The following ZNF385C variants were observed in gnomAD, a reference collection of about 807,000 sequenced individuals.
ZNF385C encodes the protein zinc finger protein 385C, also known as CTD-2132N18.2.
ZNF385C carries 28 observed loss-of-function variants against 35.4 expected under a neutral mutation model. The observed-to-expected ratio is 0.79, with a 90% CI of 0.59 to 1.08. The LOEUF (loss-of-function observed/expected upper bound fraction) is 1.08. Among genes scored for constraint, ZNF385C ranks in the 50% least tolerant of loss-of-function variants. ZNF385C has a pLI of 0.00. For synonymous variants in ZNF385C, 248 were observed against 248.2 expected (o/e 1.00, Z 0.01); for missense variants, 605 against 595.6 (o/e 1.02, Z -0.16).
chr17:42,092,822 G>A (rs2053876329), intron 1 of ZNF385C, among the ~76,000 whole-genome samples: 1 of 152,194 alleles, frequency 6.6e-6, no homozygotes, highest in Non-Finnish European at 1.5e-5. Context: ...GCTGGGGAGG[G>A]GGTCAGCTGG....
chr17:42,053,777 G>A (rs370392164), intron 2 of ZNF385C, among the ~76,000 whole-genome samples: 16 of 152,262 alleles, frequency 1.1e-4, no homozygotes, highest in African/African-American at 3.1e-4. Context: ...GGGGAGAGGG[G>A]AGAGGACCAC....
chr17:42,043,038 C>T (rs999747661), intron 2 of ZNF385C: 27 of 1,232,178 alleles, frequency 2.2e-5, no homozygotes, highest in Non-Finnish European at 2.6e-5. Flanking sequence ...AGGCAGGGGT[C>T]GTAGCCAGGC....
At chr17:42,027,493 T>C in intron 8 of ZNF385C, 125 bp downstream of exon 8, 1 of 832,186 alleles carries the variant, frequency 1.2e-6, no homozygotes, top group Non-Finnish European at 1.8e-6. Context: ...GCTCTGTCAC[T>C]GCCCAGCAGC....
chr17:42,043,324 T>C (rs902414090), intron 2 of ZNF385C: 58 of 1,232,128 alleles, frequency 4.7e-5, no homozygotes, highest in Non-Finnish European at 5.7e-5. Context: ...ACGCTTACAC[T>C]TCTTGTTGGA....
intron 4 of ZNF385C, among the ~76,000 whole-genome samples, chr17:42,033,470 G>A (rs1337058910): frequency 2.0e-5 from 3 of 152,188 alleles, no homozygotes. Context: ...GCGCCTCTAG[G>A]CCAGGCGCGG....
chr17:42,090,346 G>A (rs1555660415), intron 1 of ZNF385C, among the ~76,000 whole-genome samples: 2 of 128,336 alleles, frequency 1.6e-5, no homozygotes, highest in African/African-American at 2.9e-5. Flanking sequence ...GAGTGCAATT[G>A]CGCGATCTCG....
chr17:42,040,391 C>A (rs2052988371), intron 2 of ZNF385C: 4 of 1,231,864 alleles, frequency 3.2e-6, no homozygotes, highest in East Asian at 3.2e-5. Context: ...TGGAGGCGGG[C>A]CCCACCTGAG....
chr17:42,045,311 A>G (rs919122628), intron 2 of ZNF385C, among the ~76,000 whole-genome samples: 6 of 152,232 alleles, frequency 3.9e-5, no homozygotes, highest in African/African-American at 1.4e-4. Context: ...TCGGCCTCCC[A>G]AAGTGCTGGG....
intron 2 of ZNF385C, chr17:42,038,202 C>G (rs1470983240): frequency 2.3e-5 from 16 of 709,152 alleles, no homozygotes; most frequent in Non-Finnish European, 3.4e-5. Flanking sequence ...CTGGGCAGGC[C>G]CTGACACACA....
chr17:42,094,430 C>T (rs757654575), intron 1 of ZNF385C, among the ~76,000 whole-genome samples: 4 of 151,596 alleles, frequency 2.6e-5, no homozygotes, highest in Non-Finnish European at 5.9e-5. Flanking sequence ...GAGATAGCCA[C>T]GCAGTCAGAC....
In ZNF385C at chr17:42,028,819, C is replaced by T. The variant is rs1336556410; in HGVS notation, c.931G>A (p.Val311Met). ...GCCTGAAGCTGGGAGGCCGAGTTCA[C>T]TGTCACCTTACACGTGGGGCAGTAG... Reference protein sequence around the residue: ...HLYCPTCKVTVNSASQLQAHN... With the variant: ...HLYCPTCKVTMNSASQLQAHN... Residue 311 changes from valine to methionine, a missense_variant, in exon 6 of 9, where the codon GTG becomes ATG. Transcript: ENST00000692273. The T allele has an allele frequency of 3.2e-6, 5 of 1,550,560 alleles. No individual in the cohort carries two copies. Among genetic ancestry groups the T allele is most frequent in the South Asian group, 1.2e-5 (1 of 84,058 alleles).
intron 8 of ZNF385C, 61 bp downstream of exon 8, chr17:42,027,557 C>CCA: frequency 1.0e-5 from 6 of 592,556 alleles, no homozygotes; most frequent in East Asian, 9.8e-5. Flanking sequence ...CCATCTGGCC[C>CCA]TCCCAGCCCA....
chr17:42,073,452 G>A (rs951300902), intron 1 of ZNF385C, among the ~76,000 whole-genome samples: 1 of 152,006 alleles, frequency 6.6e-6, no homozygotes, highest in African/African-American at 2.4e-5. Flanking sequence ...AAAAGGTTGT[G>A]GACCTTAAGT....
chr17:42,079,822 CA>C (rs113616133), intron 1 of ZNF385C, among the ~76,000 whole-genome samples: 1 of 150,076 alleles, frequency 6.7e-6, no homozygotes, highest in African/African-American at 2.5e-5. Context: ...ACTAATGGAG[CA>C]AAAAAAAAGA....
At chr17:42,030,672 C>A (rs2052706587) in intron 5 of ZNF385C, among the ~76,000 whole-genome samples, 1 of 152,146 alleles carries the variant, frequency 6.6e-6, no homozygotes, top group Non-Finnish European at 1.5e-5. Context: ...TCACATCTAT[C>A]TGGAACCTCA....
At chr17:42,092,833 C>T (rs2053876489) in intron 1 of ZNF385C, among the ~76,000 whole-genome samples, 1 of 151,240 alleles carries the variant, frequency 6.6e-6, no homozygotes, top group African/African-American at 2.4e-5. Context: ...GGTCAGCTGG[C>T]ATCAGATGCG....
intron 2 of ZNF385C, among the ~76,000 whole-genome samples, chr17:42,053,296 G>A (rs993233579): frequency 1.4e-4 from 21 of 152,156 alleles, no homozygotes; most frequent in African/African-American, 3.9e-4. Context: ...CCAGGCAACC[G>A]TCTGTGTGGA....
intron 1 of ZNF385C, among the ~76,000 whole-genome samples, chr17:42,064,068 GCACATA>G (rs1294324953): frequency 3.7e-4 from 22 of 59,488 alleles, no homozygotes; most frequent in African/African-American, 8.2e-4. Context: ...GCGCGCACAC[GCACATA>G]CACACACACA....
At chr17:42,066,932 G>C (rs782771601) in intron 1 of ZNF385C, among the ~76,000 whole-genome samples, 8 of 152,152 alleles carry the variant, frequency 5.3e-5, no homozygotes, top group Admixed American at 1.3e-4. Flanking sequence ...AGCCAGGCGC[G>C]GTGGTGGGTG....
Sources: allele counts gnomAD v4.1 joint callset (sites outside exome capture counted in the v4.1 genomes callset), GRCh38; gene constraint gnomAD v4.1.1; transcripts MANE v1.5; gene names NCBI Gene and HGNC (gene_info 2026-07-23, HGNC 2026-07-21).